The following AGBL4 variants were observed in gnomAD, a reference collection of about 807,000 sequenced individuals.
AGBL4 encodes AGBL carboxypeptidase 4, also known as cytosolic carboxypeptidase 6.
In AGBL4, 58 loss-of-function variants were observed where a neutral mutation model predicts 66.4. That is an observed-to-expected ratio of 0.87 (90% CI 0.71 to 1.09). The LOEUF is 1.09. Among genes scored for constraint, AGBL4 ranks in the 50% least tolerant of loss-of-function variants. AGBL4 has a pLI of 0.00. For missense variants in AGBL4, 579 were observed against 631.0 expected, an observed-to-expected ratio of 0.92 and a Z score of 0.88; for synonymous variants, 234 against 222.9, an observed-to-expected ratio of 1.05 and a Z score of -0.44.
chr1:49,768,589 G>C (rs548262488), intron 2 of AGBL4, among the ~76,000 whole-genome samples: 82 of 152,172 alleles, frequency 5.4e-4, no homozygotes, highest in African/African-American at 1.9e-3. Context: ...AGGAAAATCT[G>C]GAACAATTCC....
At chr1:49,090,726 GA>G (rs139461635) in intron 4 of AGBL4, among the ~76,000 whole-genome samples, 13,270 of 152,018 alleles carry the variant, frequency 0.087, 883 homozygotes, top group African/African-American at 0.17. Context: ...TGCAGAATTA[GA>G]AAAAAACTAT....
At chr1:48,772,449 G>A (rs1425279534) in intron 6 of AGBL4, among the ~76,000 whole-genome samples, 4 of 152,248 alleles carry the variant, frequency 2.6e-5, no homozygotes, top group East Asian at 3.9e-4. Context: ...ATCAGACAAT[G>A]ATTAATCCAC....
intron 4 of AGBL4, among the ~76,000 whole-genome samples, chr1:49,176,428 A>T (rs1646832913): frequency 1.3e-5 from 2 of 152,250 alleles, no homozygotes; most frequent in Middle Eastern, 3.4e-3. Flanking sequence ...CAACATACAC[A>T]CCACACTCCA....
Position 49,599,002 on chromosome 1 carries a change from C to T in AGBL4, c.282+98311G>A, listed in dbSNP as rs946519483. Among the ~76,000 whole-genome samples the T allele has an allele frequency of 2.6e-5, 4 of 152,122 alleles. No individual in the cohort carries two copies. In the South Asian group the frequency reaches 8.3e-4, roughly 32 times the overall value. On this transcript the variant is annotated intron_variant, in intron 3 of 13. Coordinates refer to ENST00000371839, the MANE Select transcript of AGBL4 (RefSeq NM_032785.4). ...TGGATGTGCCGCTGGATTTGGTTTG[C>T]CAGTATTTTATTGAGGATTTTCGCA... is the stretch of plus-strand genomic sequence containing the variant.
chr1:48,539,857 T>C (rs1644036467), intron 11 of AGBL4, 119 bp from the exon 12 acceptor site: 1 of 569,780 alleles, frequency 1.8e-6, no homozygotes, highest in Non-Finnish European at 2.8e-6. Context: ...GTTCTAAGCT[T>C]TTTGTATGCG....
chr1:49,018,997 T>A (rs1220213428), intron 5 of AGBL4, among the ~76,000 whole-genome samples: 2 of 152,162 alleles, frequency 1.3e-5, no homozygotes, highest in African/African-American at 2.4e-5. Flanking sequence ...CGATTCTGGC[T>A]TCTCCGTGTC....
intron 1 of AGBL4, among the ~76,000 whole-genome samples, chr1:49,950,143 T>C (rs539674062): frequency 1.4e-4 from 20 of 142,628 alleles, no homozygotes; most frequent in African/African-American, 3.6e-4. Flanking sequence ...TATATACACA[T>C]ATGTGTATAT....
At chr1:49,432,637 A>T (rs1208492085) in intron 3 of AGBL4, among the ~76,000 whole-genome samples, 1 of 146,672 alleles carries the variant, frequency 6.8e-6, no homozygotes. Flanking sequence ...TTTACTTTTT[A>T]TATTATATAA....
chr1:49,590,088 G>GAT (rs1644723933), intron 3 of AGBL4, among the ~76,000 whole-genome samples: 1 of 151,908 alleles, frequency 6.6e-6, no homozygotes, highest in South Asian at 2.1e-4. Context: ...AATGTATTAA[G>GAT]ATATATATAT....
intron 3 of AGBL4, among the ~76,000 whole-genome samples, chr1:49,319,078 T>G (rs6698947): frequency 0.52 from 78,815 of 151,974 alleles, 21,729 homozygotes; most frequent in Non-Finnish European, 0.62. Flanking sequence ...TACTAAAGTT[T>G]TTATTTATGA....
At chr1:48,650,853 G>GAA (rs1380177547) in intron 8 of AGBL4, among the ~76,000 whole-genome samples, 1 of 152,132 alleles carries the variant, frequency 6.6e-6, no homozygotes, top group Non-Finnish European at 1.5e-5. Flanking sequence ...TCAAAATTTT[G>GAA]AAAAGTCGTA....
intron 3 of AGBL4, among the ~76,000 whole-genome samples, chr1:49,391,660 C>G (rs1644852080): frequency 1.3e-5 from 2 of 150,696 alleles, no homozygotes; most frequent in South Asian, 4.2e-4. Context: ...CTCCCGGGTT[C>G]ACACCATTCT....
intron 5 of AGBL4, among the ~76,000 whole-genome samples, chr1:48,903,996 C>T (rs530551826): frequency 3.3e-5 from 5 of 152,190 alleles, no homozygotes; most frequent in African/African-American, 7.2e-5. Flanking sequence ...AAAATGATCT[C>T]GGCCAGGCAT....
intron 4 of AGBL4, among the ~76,000 whole-genome samples, chr1:49,054,071 C>A (rs1183901448): frequency 6.6e-6 from 1 of 152,070 alleles, no homozygotes; most frequent in Admixed American, 6.6e-5. Flanking sequence ...GACATCAGAG[C>A]TATACTACAT....
intron 3 of AGBL4, among the ~76,000 whole-genome samples, chr1:49,408,377 C>A (rs141895133): frequency 2.0e-4 from 30 of 152,302 alleles, no homozygotes; most frequent in African/African-American, 7.0e-4. Context: ...ATATCCATGT[C>A]TTCACTGATC....
At chr1:48,726,168 T>C (rs912414374) in intron 6 of AGBL4, among the ~76,000 whole-genome samples, 1 of 152,242 alleles carries the variant, frequency 6.6e-6, no homozygotes, top group Non-Finnish European at 1.5e-5. Flanking sequence ...CAAAGCACTT[T>C]CAAAAATATC....
At chr1:49,202,123 TG>T (rs998640211) in intron 4 of AGBL4, among the ~76,000 whole-genome samples, 60 of 152,290 alleles carry the variant, frequency 3.9e-4, no homozygotes, top group African/African-American at 1.3e-3. Context: ...TGAAACATTG[TG>T]AGTGAGAGTT....
chr1:48,950,166 G>A (rs534591290), intron 5 of AGBL4, among the ~76,000 whole-genome samples: 3 of 151,484 alleles, frequency 2.0e-5, no homozygotes, highest in South Asian at 2.1e-4. Flanking sequence ...GTGTGATCTC[G>A]GCTCACTGCA....
chr1:49,267,957 A>C (rs1222835375), intron 3 of AGBL4: 3 of 151,986 alleles, frequency 2.0e-5, no homozygotes, highest in Non-Finnish European at 4.4e-5. Context: ...CCCATAACAC[A>C]TGGGAATTAT....
Sources: gnomAD v4.1 joint callset for allele counts (sites outside exome capture counted in the v4.1 genomes callset) on GRCh38, gnomAD v4.1.1 for gene constraint, MANE v1.5 for transcripts, NCBI Gene and HGNC (gene_info 2026-07-23, HGNC 2026-07-21) for gene names.